RLF: variants seen among roughly 807,000 people sequenced by gnomAD.
RLF encodes RLF zinc finger.
In RLF, 7 loss-of-function variants were observed where a neutral mutation model predicts 162.9. The ratio of observed to expected loss-of-function variants is 0.04; its 90% CI spans 0.02 to 0.08. RLF has a LOEUF of 0.08. Ranked by LOEUF, RLF falls within the 10% of genes least tolerant of loss-of-function variation. RLF has a pLI of 1.00. For synonymous variants in RLF, 782 were observed against 791.5 expected (o/e 0.99, Z 0.20); for missense variants, 1,664 against 2,244.7 (o/e 0.74, Z 5.23).
intron 4 of RLF, among the ~76,000 whole-genome samples, chr1:40,200,142 A>G (rs189469059): frequency 2.3e-4 from 35 of 152,304 alleles, no homozygotes; most frequent in Admixed American, 2.3e-3. Context: ...AAACCAAAAA[A>G]CATACATCCC....
intron 6 of RLF, among the ~76,000 whole-genome samples, chr1:40,228,393 G>A (rs956617737): frequency 1.1e-4 from 17 of 151,648 alleles, no homozygotes; most frequent in East Asian, 2.0e-4. Flanking sequence ...AGACCAGCCT[G>A]GCCAACATAG....
At chr1:40,196,045 T>A (rs944576967) in intron 4 of RLF, among the ~76,000 whole-genome samples, 1 of 152,110 alleles carries the variant, frequency 6.6e-6, no homozygotes, top group Non-Finnish European at 1.5e-5. Context: ...TAATCTTTGG[T>A]GTGTGGTAGA....
At chr1:40,176,567 A>G (rs1339192724) in intron 1 of RLF, among the ~76,000 whole-genome samples, 1 of 152,110 alleles carries the variant, frequency 6.6e-6, no homozygotes, top group African/African-American at 2.4e-5. Flanking sequence ...AGCCTCCCAA[A>G]TAGCTGGGAC....
chr1:40,201,543 G>A (rs943338094), intron 4 of RLF, among the ~76,000 whole-genome samples: 3 of 150,476 alleles, frequency 2.0e-5, no homozygotes, highest in Non-Finnish European at 1.5e-5. Context: ...GGAGAATGGC[G>A]TGAACCCGGG....
At chr1:40,201,364 G>T (rs972737696) in intron 4 of RLF, among the ~76,000 whole-genome samples, 2 of 151,748 alleles carry the variant, frequency 1.3e-5, no homozygotes, top group Non-Finnish European at 2.9e-5. Context: ...GGTGGCTCAT[G>T]CCTGTAATCC....
intron 5 of RLF, among the ~76,000 whole-genome samples, chr1:40,209,411 T>A (rs953152429): frequency 2.6e-5 from 4 of 152,200 alleles, no homozygotes; most frequent in African/African-American, 9.7e-5. Flanking sequence ...TTGGCATATT[T>A]TAGACACCTT....
chr1:40,165,049 G>T (rs896108764), intron 1 of RLF, among the ~76,000 whole-genome samples: 2 of 152,124 alleles, frequency 1.3e-5, no homozygotes, highest in East Asian at 3.8e-4. Context: ...TTTTGCAAAT[G>T]GATAATAGTA....
Position 40,161,519 on chromosome 1 carries a change from A to G in RLF, c.120A>G (p.Val40=). ...CCATGGTTCGGGGTCATCGCCCCGT[A>G]TCTCCAGCGCCGGGAGCCTCGGGAC... ...TESMVRGHRP[V]SPAPGASGLR... Residue 40 remains valine (V), a synonymous_variant, in exon 1 of 8, where the codon GTA becomes GTG. Coordinates refer to ENST00000372771, the MANE Select transcript of RLF (RefSeq NM_012421.4). The surrounding 1 kb of genome is among the most constrained non-coding windows in gnomAD (Gnocchi z 4.4). The G allele has an allele frequency of 1.2e-6, 2 of 1,605,126 alleles. No individual in the cohort carries two copies. Among genetic ancestry groups the G allele is most frequent in the South Asian group, 1.1e-5 (1 of 89,994 alleles).
intron 1 of RLF, among the ~76,000 whole-genome samples, chr1:40,182,402 C>T (rs1255157563): frequency 6.6e-6 from 1 of 151,902 alleles, no homozygotes; most frequent in African/African-American, 2.4e-5. Context: ...CCACTGCACT[C>T]CAGCCTGGTG....
Position 40,237,730 on chromosome 1 carries a change from G to A in RLF, c.3028G>A (p.Ala1010Thr). The change falls in exon 8 of 8, where the codon GCA becomes ACA. Residue 1010 changes from alanine to threonine, a missense_variant. This residue lies in a region of RLF where 295 missense variants were observed against 317.4 expected (regional missense o/e 0.93). Transcript: ENST00000372771. The surrounding 1 kb of genome is among the most constrained non-coding windows in gnomAD (Gnocchi z 4.4). ...TAATCAGACAACTGAAAAGTTGGAT[G>A]CAGAACCTAAACCCTGCTCAGATAC... The part of the protein sequence containing the change: ...EHNQTTEKLD[A>T]EPKPCSDTNS... The A allele has an allele frequency of 6.2e-7, 1 of 1,614,038 alleles. No individual in the cohort carries two copies. Among genetic ancestry groups the A allele is most frequent in the Non-Finnish European group, 8.5e-7 (1 of 1,179,978 alleles).
chr1:40,220,373 A>G (rs1277504113), intron 5 of RLF, among the ~76,000 whole-genome samples: 3 of 152,158 alleles, frequency 2.0e-5, no homozygotes, highest in Admixed American at 1.3e-4. Flanking sequence ...AGGCCACTGC[A>G]TGTGTTTTTC....
At chr1:40,213,200 C>A (rs575436245) in intron 5 of RLF, among the ~76,000 whole-genome samples, 216 of 152,284 alleles carry the variant, frequency 1.4e-3, no homozygotes, top group Non-Finnish European at 2.6e-3. Context: ...ACAGTTCTTT[C>A]AAATAGCTTT....
intron 6 of RLF, among the ~76,000 whole-genome samples, chr1:40,224,120 A>G (rs1348212303): frequency 6.6e-6 from 1 of 152,184 alleles, no homozygotes; most frequent in African/African-American, 2.4e-5. Context: ...GTCAGCCACC[A>G]TTCACTCTTC....
chr1:40,164,173 C>A (rs192430702), intron 1 of RLF, among the ~76,000 whole-genome samples: 1 of 152,156 alleles, frequency 6.6e-6, no homozygotes, highest in Non-Finnish European at 1.5e-5. Flanking sequence ...AAAGGTCTGA[C>A]CCCTGCTTAT....
chr1:40,232,205 C>CT (rs200129511), intron 7 of RLF, among the ~76,000 whole-genome samples: 233 of 135,482 alleles, frequency 1.7e-3, no homozygotes, highest in Middle Eastern at 0.011. Context: ...GAGACTTGGT[C>CT]TTTTTTTTTT....
At chr1:40,197,713 T>G (rs1203989841) in intron 4 of RLF, among the ~76,000 whole-genome samples, 3 of 152,250 alleles carry the variant, frequency 2.0e-5, no homozygotes, top group Non-Finnish European at 4.4e-5. Flanking sequence ...AATAGGTACA[T>G]GATACCTACA....
intron 6 of RLF, among the ~76,000 whole-genome samples, chr1:40,224,623 C>CT (rs1168908018): frequency 0.033 from 1,082 of 33,250 alleles, 160 homozygotes; most frequent in Middle Eastern, 0.083. Context: ...TTTTTGAAAG[C>CT]TTTTTTTTTT....
intron 6 of RLF, among the ~76,000 whole-genome samples, chr1:40,222,977 GAAAC>G (rs1643017927): frequency 6.6e-6 from 1 of 151,162 alleles, no homozygotes; most frequent in Non-Finnish European, 1.5e-5. Flanking sequence ...TTGTCAATAT[GAAAC>G]AAACCTGTGT....
chr1:40,239,029 G>A lies in RLF; in HGVS notation c.4327G>A (p.Glu1443Lys). 6.2e-7 allele frequency: 1 copy of A among 1,614,172 alleles called. No homozygotes were observed. The highest frequency in any genetic ancestry group is 8.5e-7 in the Non-Finnish European group (1 of 1,180,016). ...TGAAGGGGAAATACATTCAGATTATGAAATTCATTGTGATCTTAATGGCTG... is the reference window on the plus strand; with the variant it reads ...TGAAGGGGAAATACATTCAGATTATAAAATTCATTGTGATCTTAATGGCTG... Reference protein sequence around the residue: ...NIEGEIHSDYEIHCDLNGCGQ... With the variant: ...NIEGEIHSDYKIHCDLNGCGQ... Residue 1443 changes from glutamate (E) to lysine (K), a missense_variant, in exon 8 of 8, where the codon GAA becomes AAA. Coordinates refer to ENST00000372771, the MANE Select transcript of RLF (RefSeq NM_012421.4).
Sources: gnomAD v4.1 joint callset for allele counts (sites outside exome capture counted in the v4.1 genomes callset) on GRCh38, gnomAD v4.1.1 for gene constraint, gnomAD v4.1.1 regional missense constraint, Gnocchi (gnomAD v3.1) non-coding constraint, MANE v1.5 for transcripts, NCBI Gene and HGNC (gene_info 2026-07-23, HGNC 2026-07-21) for gene names.